GALNT13: variants seen among roughly 807,000 people sequenced by gnomAD.
GALNT13 encodes the protein polypeptide N-acetylgalactosaminyltransferase 13.
A neutral mutation model predicts 64.2 loss-of-function variants in GALNT13; 28 were observed. The observed-to-expected ratio is 0.44, with a 90% CI of 0.32 to 0.60. The LOEUF is 0.60. GALNT13 is among the 20% of genes least tolerant of loss of function. The pLI, the probability that GALNT13 is intolerant of heterozygous loss-of-function variation, is 0.05. For synonymous variants in GALNT13, 214 were observed against 224.6 expected, an observed-to-expected ratio of 0.95 and a Z score of 0.42; for missense variants, 577 against 669.8, an observed-to-expected ratio of 0.86 and a Z score of 1.53.
At chr2:154,434,592 T>C (rs577421495) in intron 11 of GALNT13, among the ~76,000 whole-genome samples, 2 of 152,252 alleles carry the variant, frequency 1.3e-5, no homozygotes, top group African/African-American at 4.8e-5. Context: ...CCTGTATCAT[T>C]ATCACCGTCT....
At chr2:154,441,887 C>T (rs965159099) in intron 12 of GALNT13, 3 of 152,202 alleles carry the variant, frequency 2.0e-5, no homozygotes, top group African/African-American at 7.2e-5. Flanking sequence ...TTACAATAGT[C>T]TTATAAGACA....
the GALNT13 span, among the ~76,000 whole-genome samples, chr2:153,583,020 T>C: frequency 6.6e-6 from 1 of 152,302 alleles, no homozygotes; most frequent in East Asian, 1.9e-4. Flanking sequence ...TTTCTATTCT[T>C]GTGTTGCTTA....
chr2:154,217,991 A>T (rs1236455946), intron 4 of GALNT13, among the ~76,000 whole-genome samples: 1 of 152,150 alleles, frequency 6.6e-6, no homozygotes, highest in Non-Finnish European at 1.5e-5. Flanking sequence ...CTTCTGCAAG[A>T]TATCCAACAA....
intron 9 of GALNT13, among the ~76,000 whole-genome samples, chr2:154,327,233 C>T (rs1260529563): frequency 2.0e-5 from 3 of 152,048 alleles, no homozygotes; most frequent in Non-Finnish European, 4.4e-5. Flanking sequence ...GTGAAGGTCG[C>T]CTTTGCCTTC....
At chr2:153,356,378 GA>G in the GALNT13 span, among the ~76,000 whole-genome samples, 4 of 152,208 alleles carry the variant, frequency 2.6e-5, no homozygotes, top group Non-Finnish European at 5.9e-5. Context: ...GAATGGGATA[GA>G]AAGGTCAGTT....
intron 4 of GALNT13, among the ~76,000 whole-genome samples, chr2:154,227,968 G>A (rs1398538269): frequency 6.6e-6 from 1 of 152,122 alleles, no homozygotes; most frequent in East Asian, 1.9e-4. Flanking sequence ...ACAAAATATG[G>A]TAATTCTCAA....
chr2:153,272,598 A>G, the GALNT13 span, among the ~76,000 whole-genome samples: 2 of 152,198 alleles, frequency 1.3e-5, no homozygotes, highest in African/African-American at 4.8e-5. Flanking sequence ...GAGGTCATTA[A>G]AAAGTCAGGA....
chr2:153,861,788 T>C, the GALNT13 span, among the ~76,000 whole-genome samples: 1 of 152,010 alleles, frequency 6.6e-6, no homozygotes, highest in Admixed American at 6.6e-5. Flanking sequence ...GTTGGCCAGG[T>C]TGGTCATGAA....
At chr2:154,429,615 G>C (rs1700622612) in intron 11 of GALNT13, among the ~76,000 whole-genome samples, 1 of 152,176 alleles carries the variant, frequency 6.6e-6, no homozygotes, top group Admixed American at 6.5e-5. Flanking sequence ...AAGTTATCCA[G>C]AAGATCCAGC....
the GALNT13 span, among the ~76,000 whole-genome samples, chr2:153,847,338 G>A: frequency 1.3e-5 from 2 of 151,908 alleles, no homozygotes; most frequent in Non-Finnish European, 2.9e-5. Flanking sequence ...TTATATAAGA[G>A]ACAAAGTCAT....
At chr2:153,625,018 A>T in the GALNT13 span, among the ~76,000 whole-genome samples, 1 of 152,084 alleles carries the variant, frequency 6.6e-6, no homozygotes, top group African/African-American at 2.4e-5. Context: ...GAATTGATGT[A>T]TTTGAAAGTA....
chr2:153,834,871 C>T, the GALNT13 span, among the ~76,000 whole-genome samples: 1 of 152,016 alleles, frequency 6.6e-6, no homozygotes, highest in Non-Finnish European at 1.5e-5. Context: ...GAACATAGTC[C>T]ATGCCTTGTA....
At chr2:153,154,906 T>C in the GALNT13 span, among the ~76,000 whole-genome samples, 1 of 152,196 alleles carries the variant, frequency 6.6e-6, no homozygotes, top group East Asian at 1.9e-4. Flanking sequence ...GTTCCTTCAG[T>C]ACCTAGCTTA....
At chr2:154,305,525 A>AC (rs1693683916) in intron 9 of GALNT13, among the ~76,000 whole-genome samples, 1 of 152,116 alleles carries the variant, frequency 6.6e-6, no homozygotes, top group South Asian at 2.1e-4. Context: ...TATATTTGTT[A>AC]ATTTTTCCAA....
chr2:153,490,974 A>AAAG, the GALNT13 span, among the ~76,000 whole-genome samples: 2 of 151,940 alleles, frequency 1.3e-5, no homozygotes, highest in East Asian at 3.9e-4. Context: ...AAAAAAAAAA[A>AAAG]AAATTATAAA....
intron 4 of GALNT13, among the ~76,000 whole-genome samples, chr2:154,233,665 G>A (rs1349452130): frequency 3.9e-5 from 6 of 152,120 alleles, no homozygotes; most frequent in Admixed American, 1.3e-4. Flanking sequence ...ACAAATGTTA[G>A]CCATTTATAA....
At chr2:153,645,293 G>T in the GALNT13 span, among the ~76,000 whole-genome samples, 863 of 152,140 alleles carry the variant, frequency 5.7e-3, 8 homozygotes, top group African/African-American at 0.02. Flanking sequence ...AATGTAATAT[G>T]CCTTTAACAA....
chr2:154,264,098 A>AGAGC (rs1248300249), intron 8 of GALNT13, among the ~76,000 whole-genome samples: 1 of 152,184 alleles, frequency 6.6e-6, no homozygotes, highest in Non-Finnish European at 1.5e-5. Flanking sequence ...AGTCCTGGGC[A>AGAGC]GAGCATTGAA....
Position 154,175,722 on chromosome 2 carries a change from A to G in GALNT13, c.311+35217A>G, listed in dbSNP as rs141885552. Among the ~76,000 whole-genome samples, 359 of 152,306 alleles carry G rather than the reference A, an allele frequency of 2.4e-3. 2 individuals carry two copies. Among genetic ancestry groups the G allele is most frequent in the African/African-American group, 7.9e-3 (329 of 41,570 alleles). ...AAATAGTTTAAAATAAATGTGTAGT[A>G]GGGTAATATATACTGGAAAATTATC... On this transcript the variant is annotated intron_variant, in intron 4 of 12. Coordinates refer to ENST00000392825, the MANE Select transcript of GALNT13 (RefSeq NM_052917.4).
Sources: allele counts gnomAD v4.1 joint callset (sites outside exome capture counted in the v4.1 genomes callset), GRCh38; gene constraint gnomAD v4.1.1; transcripts MANE v1.5; gene names NCBI Gene and HGNC (gene_info 2026-07-23, HGNC 2026-07-21).